Variants in RGS5 observed in about 807,000 individuals in gnomAD.
RGS5 encodes the protein regulator of G-protein signalling 5.
In RGS5, 20 loss-of-function variants were observed where a neutral mutation model predicts 18.9. The observed-to-expected ratio is 1.06, with a 90% CI of 0.74 to 1.54. The LOEUF (loss-of-function observed/expected upper bound fraction) is 1.54, where lower values mean the gene tolerates loss of function less well. RGS5 is among the 40% of genes most tolerant of loss of function. RGS5 has a pLI of 0.00. For missense variants in RGS5, 201 were observed against 211.8 expected, an observed-to-expected ratio of 0.95 and a Z score of 0.32; for synonymous variants, 57 against 76.2, an observed-to-expected ratio of 0.75 and a Z score of 1.31.
chr1:163,152,491 A>G (rs1384640491), intron 4 of RGS5, 59 bp downstream of exon 4: 4 of 1,516,750 alleles, frequency 2.6e-6, no homozygotes, highest in Non-Finnish European at 3.5e-6. Flanking sequence ...TCTCAGATGT[A>G]AATCCTTCCT....
chr1:163,211,016 G>A (rs1241110841), intron 1 of RGS5: 1 of 152,146 alleles, frequency 6.6e-6, no homozygotes, highest in Non-Finnish European at 1.5e-5. Flanking sequence ...GAGCATTTAG[G>A]AATCCTGAAT....
At chr1:163,317,191 G>A (rs531021544) in intron 1 of RGS5, among the ~76,000 whole-genome samples, 1 of 152,250 alleles carries the variant, frequency 6.6e-6, no homozygotes, top group South Asian at 2.1e-4. Flanking sequence ...AAGTGAGTCT[G>A]CCTCTGTGTT....
At chr1:163,158,252 T>C (rs1315188649) in intron 3 of RGS5, among the ~76,000 whole-genome samples, 1 of 152,136 alleles carries the variant, frequency 6.6e-6, no homozygotes, top group Non-Finnish European at 1.5e-5. Context: ...GGCATTCCAC[T>C]GGTTCTTCTC....
At chr1:163,264,533 TTC>T (rs1648528941) in intron 2 of RGS5, among the ~76,000 whole-genome samples, 3 of 152,298 alleles carry the variant, frequency 2.0e-5, no homozygotes, top group Admixed American at 6.5e-5. Flanking sequence ...CAATTTTTAT[TTC>T]TGTCCCAACT....
At chr1:163,283,567 A>G (rs940055952) in intron 2 of RGS5, among the ~76,000 whole-genome samples, 1 of 152,138 alleles carries the variant, frequency 6.6e-6, no homozygotes, top group Non-Finnish European at 1.5e-5. Context: ...CCACTCCGTG[A>G]GTGTATGTAG....
At chr1:163,320,523 T>C (rs925967270) in intron 1 of RGS5, among the ~76,000 whole-genome samples, 4 of 152,216 alleles carry the variant, frequency 2.6e-5, no homozygotes, top group Admixed American at 1.3e-4. Flanking sequence ...TCTCAGTCAC[T>C]ACGCTATGGT....
intron 2 of RGS5, among the ~76,000 whole-genome samples, chr1:163,276,462 G>A (rs1648857727): frequency 6.6e-6 from 1 of 152,174 alleles, no homozygotes; most frequent in East Asian, 1.9e-4. Flanking sequence ...TTTTCATAAC[G>A]ATGCTTACGT....
rs530978460 is a variant in RGS5, at chr1:163,195,585, CAAT to C, written c.44+7204_44+7206del. Among the ~76,000 whole-genome samples the C allele has an allele frequency of 3.0e-3, 456 of 151,346 alleles. 1 individual carries two copies. The highest frequency in any genetic ancestry group is 0.01 in the African/African-American group (417 of 41,272). ...CCAAAAACTACTGAAACAAAAGTAA[CAAT>C]AATAATTTAAAATATATATATATTG... On this transcript the variant is annotated intron_variant, in intron 1 of 4. Coordinates refer to ENST00000313961, the MANE Select transcript of RGS5 (RefSeq NM_003617.4).
chr1:163,291,050 T>C (rs574161454), intron 2 of RGS5, among the ~76,000 whole-genome samples: 1 of 152,156 alleles, frequency 6.6e-6, no homozygotes, highest in African/African-American at 2.4e-5. Flanking sequence ...ATTTTGTTTA[T>C]ATCATGTGAA....
chr1:163,221,384 C>A (rs1443671172), upstream of RGS5, among the ~76,000 whole-genome samples: 1 of 152,092 alleles, frequency 6.6e-6, no homozygotes, highest in African/African-American at 2.4e-5. Context: ...GTAGTCCTAG[C>A]TACTTGGGAG....
intron 2 of RGS5, among the ~76,000 whole-genome samples, chr1:163,262,876 C>G (rs1290646365): frequency 1.3e-5 from 2 of 152,118 alleles, no homozygotes; most frequent in Non-Finnish European, 2.9e-5. Flanking sequence ...CATCAAAGTT[C>G]TTTCTGACCC....
intron 2 of RGS5, among the ~76,000 whole-genome samples, chr1:163,240,919 A>T (rs1415694123): frequency 2.0e-5 from 3 of 152,162 alleles, no homozygotes; most frequent in African/African-American, 4.8e-5. Context: ...CTATAGCCCC[A>T]GGCACCATGA....
At chr1:163,300,146 A>C (rs1341576984) in intron 2 of RGS5, among the ~76,000 whole-genome samples, 2 of 152,224 alleles carry the variant, frequency 1.3e-5, no homozygotes, top group African/African-American at 4.8e-5. Context: ...TCACTCTGAT[A>C]TATCACTCCT....
rs116186321 is a variant in RGS5, at chr1:163,258,411, A to T, written c.-281+47822T>A. Among the ~76,000 whole-genome samples the T allele has an allele frequency of 3.0e-3, 461 of 152,286 alleles. 1 individual carries two copies. The highest frequency in any genetic ancestry group is 0.01 in the African/African-American group (429 of 41,546). ...CCTTTCCCCTTCTATGTCTTTGTACAATAACTCATTCAGGATCCCAAAGCC... is the reference window on the plus strand; with the variant it reads ...CCTTTCCCCTTCTATGTCTTTGTACTATAACTCATTCAGGATCCCAAAGCC... On this transcript the variant is annotated intron_variant, in intron 2 of 5. Coordinates refer to the RGS5 transcript ENST00000618415.
At chr1:163,165,072 AT>A (rs1259247973) in intron 2 of RGS5, among the ~76,000 whole-genome samples, 1 of 152,214 alleles carries the variant, frequency 6.6e-6, no homozygotes, top group African/African-American at 2.4e-5. Flanking sequence ...TGACCTGGGC[AT>A]CACGGTTGGG....
At chr1:163,303,092 T>C (rs1431387137) in intron 2 of RGS5, among the ~76,000 whole-genome samples, 1 of 152,230 alleles carries the variant, frequency 6.6e-6, no homozygotes, top group African/African-American at 2.4e-5. Context: ...AACACATAGT[T>C]AAATTTTAAT....
intron 3 of RGS5, among the ~76,000 whole-genome samples, chr1:163,153,731 T>C (rs951747458): frequency 4.6e-5 from 7 of 151,638 alleles, no homozygotes; most frequent in Non-Finnish European, 8.8e-5. Flanking sequence ...AGACTAAAAT[T>C]ATAAAACTAT....
At chr1:163,172,680 T>C in intron 1 of RGS5, 1 of 1,379,204 alleles carries the variant, frequency 7.3e-7, no homozygotes, top group South Asian at 1.4e-5. Flanking sequence ...TAGGCTCAAG[T>C]ATAGAGCATT....
At chr1:163,183,122 A>G (rs2102418128) in intron 1 of RGS5, among the ~76,000 whole-genome samples, 1 of 152,338 alleles carries the variant, frequency 6.6e-6, no homozygotes, top group South Asian at 2.1e-4. Flanking sequence ...ATACTTAGTC[A>G]ATATTTATCT....
Sources: gnomAD v4.1 joint callset for allele counts (sites outside exome capture counted in the v4.1 genomes callset) on GRCh38, gnomAD v4.1.1 for gene constraint, MANE v1.5 for transcripts, NCBI Gene and HGNC (gene_info 2026-07-23, HGNC 2026-07-21) for gene names.